The following NPC1 variants were observed in gnomAD, a reference collection of about 807,000 sequenced individuals.
NPC1 encodes the protein Niemann-Pick C1 protein.
In NPC1, 85 loss-of-function variants were observed where a neutral mutation model predicts 140.4. The observed-to-expected ratio is 0.61, with a 90% CI of 0.51 to 0.72. The LOEUF is 0.72. NPC1 is among the 30% of genes least tolerant of loss of function. NPC1 has a pLI of 0.00. For missense variants in NPC1, 1,504 were observed against 1,623.8 expected (o/e 0.93, Z 1.27); for synonymous variants, 656 against 624.8 (o/e 1.05, Z -0.74).
downstream of NPC1, chr18:23,529,773 C>T (rs1368587673): frequency 6.7e-7 from 1 of 1,491,634 alleles, no homozygotes; most frequent in South Asian, 1.1e-5. Context: ...AAAACACAGT[C>T]ACTGTCTTAG....
intron 13 of NPC1, among the ~76,000 whole-genome samples, 163 bp from the exon 14 acceptor site, chr18:23,543,732 G>A (rs1309760385): frequency 6.6e-6 from 1 of 152,160 alleles, no homozygotes; most frequent in Non-Finnish European, 1.5e-5. Context: ...AATGTTCTCA[G>A]AGTATTTCTG....
intron 2 of NPC1, among the ~76,000 whole-genome samples, chr18:23,573,019 CA>C (rs1470910726): frequency 6.6e-6 from 1 of 152,066 alleles, no homozygotes; most frequent in Non-Finnish European, 1.5e-5. Flanking sequence ...TGGTAGCAGC[CA>C]AAATTCACAG....
intron 1 of NPC1, among the ~76,000 whole-genome samples, chr18:23,577,693 G>T (rs986088366): frequency 6.6e-6 from 1 of 151,234 alleles, no homozygotes; most frequent in Non-Finnish European, 1.5e-5. Flanking sequence ...GGCGCTCGTC[G>T]GGGAGGCTCA....
At chr18:23,584,714 C>G (rs1424808882) in intron 1 of NPC1, among the ~76,000 whole-genome samples, 1 of 152,174 alleles carries the variant, frequency 6.6e-6, no homozygotes, top group Non-Finnish European at 1.5e-5. Flanking sequence ...CAAAAATTAG[C>G]TGGGCGTGGT....
At chr18:23,584,513 C>A (rs903902275) in intron 1 of NPC1, among the ~76,000 whole-genome samples, 6 of 152,178 alleles carry the variant, frequency 3.9e-5, no homozygotes, top group African/African-American at 1.4e-4. Flanking sequence ...AAAAGAAGCA[C>A]TCATTGGCCA....
chr18:23,556,006 C>A (rs1304745895), intron 8 of NPC1, among the ~76,000 whole-genome samples: 2 of 152,192 alleles, frequency 1.3e-5, no homozygotes, highest in Admixed American at 6.5e-5. Context: ...AAGAAAAAGG[C>A]AAGGTCTACT....
intron 4 of NPC1, among the ~76,000 whole-genome samples, chr18:23,565,365 TTC>T (rs1196096039): frequency 1.3e-5 from 2 of 152,216 alleles, no homozygotes; most frequent in African/African-American, 4.8e-5. Context: ...TTTTCTGTTT[TTC>T]TTTTTTTGAG....
intron 10 of NPC1, among the ~76,000 whole-genome samples, chr18:23,550,477 TTC>T (rs2058853123): frequency 9.4e-6 from 1 of 106,512 alleles, no homozygotes; most frequent in Non-Finnish European, 1.8e-5. Flanking sequence ...GTTCTTACAT[TTC>T]TTTTTTTTTT....
chr18:23,543,419 A>C (rs1419852003), intron 14 of NPC1, 36 bp downstream of exon 14: 2 of 1,168,808 alleles, frequency 1.7e-6, no homozygotes, highest in South Asian at 1.2e-5. Flanking sequence ...CAGGCTCAGC[A>C]GACTACAGGA....
intron 3 of NPC1, among the ~76,000 whole-genome samples, chr18:23,510,924 T>C (rs2057838839): frequency 6.6e-6 from 1 of 152,216 alleles, no homozygotes; most frequent in Admixed American, 6.5e-5. Context: ...TGGCGATTCC[T>C]CAGAGAGCTA....
At position 23,560,403 on chromosome 18, in the gene NPC1, G is replaced by A. The variant is rs80358251; in HGVS notation, c.709C>T (p.Pro237Ser). The change falls in exon 6 of 25, where the codon CCA becomes TCA. Residue 237 changes from proline to serine, a missense_variant. Pro to Ser is a moderately conservative substitution (Grantham distance 74, BLOSUM62 -1). Coordinates refer to ENST00000269228, the MANE Select transcript of NPC1 (RefSeq NM_000271.5). ...CDESVDEVTA[P>S]CSCQDCSIVC... Reference sequence around the variant, plus strand: ...ATAGAGCAGTCTTGGCAGCTACATGGTGCTGTGACCTCATCCACAGACTCG... The same window carrying A: ...ATAGAGCAGTCTTGGCAGCTACATGATGCTGTGACCTCATCCACAGACTCG... The A allele has an allele frequency of 0.013, 21,697 of 1,614,168 alleles. 195 individuals are homozygous for A. Among genetic ancestry groups the A allele is most frequent in the Non-Finnish European group, 0.016 (19,049 of 1,179,998 alleles).
downstream of NPC1, among the ~76,000 whole-genome samples, chr18:23,530,821 GGT>G (rs2058473935): frequency 6.6e-6 from 1 of 152,156 alleles, no homozygotes; most frequent in African/African-American, 2.4e-5. Context: ...TCACCGAGGA[GGT>G]GTGTTTTGAG....
At chr18:23,544,631 G>T in intron 12 of NPC1, 105 bp from the exon 13 acceptor site, 1 of 1,011,778 alleles carries the variant, frequency 9.9e-7, no homozygotes, top group Non-Finnish European at 1.5e-6. Context: ...ATTAAACCTA[G>T]AGTTGAATGT....
chr18:23,517,539 A>G (rs897306913), downstream of NPC1, among the ~76,000 whole-genome samples: 1 of 152,226 alleles, frequency 6.6e-6, no homozygotes, highest in African/African-American at 2.4e-5. Flanking sequence ...ACTAATAAAA[A>G]AGAACCCCTG....
intron 22 of NPC1, 26 bp downstream of exon 22, chr18:23,535,443 C>T (rs199529804): frequency 2.6e-6 from 4 of 1,524,050 alleles, no homozygotes; most frequent in Non-Finnish European, 3.6e-6. Context: ...GAGCTAGGGA[C>T]AAACTGAGAC....
In NPC1 at chr18:23,536,719, C is replaced by T. The variant is rs779353327; in HGVS notation, c.3199G>A (p.Glu1067Lys). 3.3e-5 allele frequency: 53 copies of T among 1,614,042 alleles called. No homozygotes were observed. Among genetic ancestry groups the T allele is most frequent in the Admixed American group, 2.2e-4 (13 of 59,998 alleles). Residue 1067 changes from glutamate to lysine, a missense_variant, in exon 21 of 25, where the codon GAA becomes AAA. Transcript: ENST00000269228. ...KARLIASNVTETMGINGSAYR... is the reference protein window; with the variant it reads ...KARLIASNVTKTMGINGSAYR... Reference sequence around the variant, plus strand: ...GCACTGCCGTTAATGCCCATGGTTTCGGTGACATTACTGGCTATAAGTCGG... The same window carrying T: ...GCACTGCCGTTAATGCCCATGGTTTTGGTGACATTACTGGCTATAAGTCGG...
Position 23,541,050 on chromosome 18 carries a change from C to T in NPC1, c.2514+18G>A, listed in dbSNP as rs748265835. On this transcript the variant is annotated intron_variant, in intron 16 of 24. Transcript: ENST00000269228. ...GTTTCAGTGAGAGGAAAGAGAAAAA[C>T]CACAGATAAGCGCATACCACAATTG... 1.3e-5 allele frequency: 21 copies of T among 1,613,914 alleles called. No individual in the cohort carries two copies. The highest frequency in any genetic ancestry group is 1.8e-5 in the Non-Finnish European group (21 of 1,179,852).
Position 23,556,603 on chromosome 18 carries a change from G to A in NPC1, c.966C>T (p.Ser322=), listed in dbSNP as rs61731965. 4,014 of 1,614,068 alleles carry A rather than the reference G, an allele frequency of 2.5e-3. 67 individuals carry two copies. In the African/African-American group the frequency reaches 0.039, roughly 16 times the overall value. ...SVNASDKGEA[S]CCDPVSAAFE... ...ATGCTGCGCTGACAGGGTCACAGCA[G>A]GACGCCTCTCCTGGAAGAACGGGAG... Residue 322 remains serine (S), a synonymous_variant, in exon 8 of 25, where the codon TCC becomes TCT. Coordinates refer to ENST00000269228, the MANE Select transcript of NPC1 (RefSeq NM_000271.5).
At chr18:23,547,383 A>C (rs1282702070) in intron 11 of NPC1, among the ~76,000 whole-genome samples, 5 of 152,140 alleles carry the variant, frequency 3.3e-5, no homozygotes, top group Non-Finnish European at 7.4e-5. Flanking sequence ...TGACAGCACA[A>C]TATTCTATTG....
Sources: gnomAD v4.1 joint callset for allele counts (sites outside exome capture counted in the v4.1 genomes callset) on GRCh38, gnomAD v4.1.1 for gene constraint, MANE v1.5 for transcripts, NCBI Gene and HGNC (gene_info 2026-07-23, HGNC 2026-07-21) for gene names.